The following GRIA4 variants were observed in gnomAD, a reference collection of about 807,000 sequenced individuals.
The protein encoded by GRIA4 is glutamate receptor 4.
A neutral mutation model predicts 104.0 loss-of-function variants in GRIA4; 34 were observed. The observed-to-expected ratio is 0.33, with a 90% CI of 0.25 to 0.44. The LOEUF (loss-of-function observed/expected upper bound fraction) is 0.44. Among genes scored for constraint, GRIA4 ranks in the 20% least tolerant of loss-of-function variants. The probability of loss-of-function intolerance (pLI) is 1.00; values close to 1 mark genes in which losing one functional copy is unlikely to be tolerated. For missense variants in GRIA4, 750 were observed against 1,096.5 expected (o/e 0.68, Z 4.46); for synonymous variants, 386 against 381.9 (o/e 1.01, Z -0.13).
chr11:105,776,775 C>A (rs1040485572), intron 4 of GRIA4, among the ~76,000 whole-genome samples: 5 of 152,162 alleles, frequency 3.3e-5, no homozygotes, highest in African/African-American at 1.2e-4. Context: ...AAATTCCACC[C>A]TCACAAAGCA....
chr11:105,668,194 AT>A (rs1170876338), intron 3 of GRIA4, among the ~76,000 whole-genome samples: 6 of 14,766 alleles, frequency 4.1e-4, no homozygotes, highest in African/African-American at 1.4e-3. Context: ...ACTCCATTGC[AT>A]ATACACACAC....
At chr11:105,750,822 G>A (rs548505612) in intron 3 of GRIA4, among the ~76,000 whole-genome samples, 1 of 152,104 alleles carries the variant, frequency 6.6e-6, no homozygotes, top group South Asian at 2.1e-4. Flanking sequence ...TTTTTGTGAG[G>A]GTGGAAGGGA....
intron 3 of GRIA4, among the ~76,000 whole-genome samples, chr11:105,717,263 T>C (rs1034661024): frequency 6.6e-6 from 1 of 152,044 alleles, no homozygotes; most frequent in African/African-American, 2.4e-5. Flanking sequence ...GCAAGCTCCA[T>C]ACCAGCTAAT....
At chr11:105,677,087 G>A (rs2135454436) in intron 3 of GRIA4, among the ~76,000 whole-genome samples, 1 of 151,922 alleles carries the variant, frequency 6.6e-6, no homozygotes, top group South Asian at 2.1e-4. Context: ...AAATAAATAT[G>A]AGTGAAAGAA....
intron 15 of GRIA4, among the ~76,000 whole-genome samples, chr11:105,972,820 T>C (rs622367): frequency 0.56 from 85,444 of 151,962 alleles, 24,049 homozygotes; most frequent in Middle Eastern, 0.62. Flanking sequence ...TAACAGCACC[T>C]GAAAGCCAGA....
chr11:105,927,625 T>G (rs1947746773), intron 13 of GRIA4, among the ~76,000 whole-genome samples: 1 of 152,100 alleles, frequency 6.6e-6, no homozygotes, highest in Non-Finnish European at 1.5e-5. Flanking sequence ...TGTATGTCCC[T>G]TTGACCTTCC....
chr11:105,807,756 T>C (rs1448422930), intron 4 of GRIA4, among the ~76,000 whole-genome samples: 1 of 151,794 alleles, frequency 6.6e-6, no homozygotes, highest in African/African-American at 2.4e-5. Context: ...CTTGGGTTTA[T>C]CTCTGTCCAT....
At chr11:105,632,464 C>A (rs1951058985) in intron 3 of GRIA4, among the ~76,000 whole-genome samples, 1 of 152,106 alleles carries the variant, frequency 6.6e-6, no homozygotes, top group Non-Finnish European at 1.5e-5. Flanking sequence ...AAGAGCATAG[C>A]CTCTGCAGCA....
chr11:105,847,261 A>G (rs1944633617), intron 4 of GRIA4, among the ~76,000 whole-genome samples: 1 of 152,200 alleles, frequency 6.6e-6, no homozygotes, highest in Admixed American at 6.5e-5. Flanking sequence ...TGCTCCTATG[A>G]GCATCTAATG....
chr11:105,888,986 GA>G lies in GRIA4; in HGVS notation c.726+1421del, dbSNP rs993693063. ...TATTCTGATATTAATTACTATAAGAGAAAAAAACTTAGGATTATGAGATAAC... is the reference window on the plus strand; with the variant it reads ...TATTCTGATATTAATTACTATAAGAGAAAAAACTTAGGATTATGAGATAAC... On this transcript the variant is annotated intron_variant, in intron 6 of 16. Transcript: ENST00000282499. 3.0e-4 allele frequency among the ~76,000 whole-genome samples: 45 copies of G among 151,932 alleles called. 1 individual carries two copies. The highest frequency in any genetic ancestry group is 1.1e-3 in the African/African-American group (45 of 41,468).
At chr11:105,879,302 G>T (rs762077324) in intron 5 of GRIA4, among the ~76,000 whole-genome samples, 48 of 152,176 alleles carry the variant, frequency 3.2e-4, no homozygotes, top group Non-Finnish European at 5.9e-4. Context: ...CATTGATCTC[G>T]ATGGGAGTGG....
At chr11:105,686,609 C>T (rs1043331586) in intron 3 of GRIA4, among the ~76,000 whole-genome samples, 1 of 152,182 alleles carries the variant, frequency 6.6e-6, no homozygotes, top group Non-Finnish European at 1.5e-5. Context: ...ATTGCTAAGT[C>T]TAATGGTAGC....
chr11:105,782,198 C>G (rs1014446901), intron 4 of GRIA4, among the ~76,000 whole-genome samples: 1 of 152,138 alleles, frequency 6.6e-6, no homozygotes. Flanking sequence ...GCCTCATTCC[C>G]TAAGAATTGT....
At chr11:105,676,003 A>T (rs1952524051) in intron 3 of GRIA4, among the ~76,000 whole-genome samples, 1 of 151,828 alleles carries the variant, frequency 6.6e-6, no homozygotes, top group Non-Finnish European at 1.5e-5. Context: ...GCCTTCTCAC[A>T]TTTATAAACA....
At chr11:105,802,860 C>T (rs1201759251) in intron 4 of GRIA4, among the ~76,000 whole-genome samples, 2 of 151,594 alleles carry the variant, frequency 1.3e-5, no homozygotes, top group Non-Finnish European at 2.9e-5. Context: ...ATTTCACTTA[C>T]ATTAAGAATA....
intron 13 of GRIA4, among the ~76,000 whole-genome samples, 183 bp downstream of exon 13, chr11:105,927,122 A>G (rs192514323): frequency 2.6e-4 from 40 of 152,256 alleles, no homozygotes; most frequent in African/African-American, 8.7e-4. Context: ...AAGGTAATTG[A>G]CTTATTCATA....
chr11:105,825,076 A>C (rs1261063553), intron 4 of GRIA4, among the ~76,000 whole-genome samples: 1 of 152,090 alleles, frequency 6.6e-6, no homozygotes, highest in East Asian at 1.9e-4. Flanking sequence ...GATGGATAAC[A>C]TTACTCTTCC....
chr11:105,752,047 C>A (rs1940027773), intron 3 of GRIA4, among the ~76,000 whole-genome samples: 1 of 152,076 alleles, frequency 6.6e-6, no homozygotes. Flanking sequence ...GCTTCTGTCC[C>A]TTAAAATATA....
At chr11:105,823,900 G>T (rs1459748591) in intron 4 of GRIA4, among the ~76,000 whole-genome samples, 2 of 152,072 alleles carry the variant, frequency 1.3e-5, no homozygotes, top group Non-Finnish European at 2.9e-5. Flanking sequence ...TTAAAATGAA[G>T]CCATTAGTGT....
Sources: gnomAD v4.1 joint callset for allele counts (sites outside exome capture counted in the v4.1 genomes callset) on GRCh38, gnomAD v4.1.1 for gene constraint, MANE v1.5 for transcripts, NCBI Gene and HGNC (gene_info 2026-07-23, HGNC 2026-07-21) for gene names.